ZC3H4: variants seen among roughly 807,000 people sequenced by gnomAD.
ZC3H4 encodes the protein zinc finger CCCH domain-containing protein 4.
Under a neutral mutation model 108.3 loss-of-function variants are expected in ZC3H4, and 13 were observed. The ratio of observed to expected loss-of-function variants is 0.12; its 90% confidence interval spans 0.08 to 0.19. The LOEUF (loss-of-function observed/expected upper bound fraction) is 0.19, where lower values mean the gene tolerates loss of function less well. Ranked by LOEUF, ZC3H4 falls within the 10% of genes least tolerant of loss-of-function variation. The pLI, the probability that ZC3H4 is intolerant of heterozygous loss-of-function variation, is 1.00. For synonymous variants in ZC3H4, 917 were observed against 749.6 expected, an observed-to-expected ratio of 1.22 and a Z score of -3.65; for missense variants, 1,734 against 1,838.8, an observed-to-expected ratio of 0.94 and a Z score of 1.04.
At chr19:47,099,250 G>A (rs1223099594) in intron 2 of ZC3H4, among the ~76,000 whole-genome samples, 4 of 152,012 alleles carry the variant, frequency 2.6e-5, no homozygotes, top group African/African-American at 7.2e-5. Context: ...ACCTGAGGTC[G>A]GGAGTTCAAG....
Position 47,082,165 on chromosome 19 carries a change from T to C in ZC3H4, c.1330+19A>G, listed in dbSNP as rs1475053523. On this transcript the variant is annotated intron_variant, in intron 10 of 14. Transcript: ENST00000253048. ...GTTCTGCGCCCTCATTCAGACCAGATGCTGGCACTAAAGGATATCGTGCAT... is the reference window on the plus strand; with the variant it reads ...GTTCTGCGCCCTCATTCAGACCAGACGCTGGCACTAAAGGATATCGTGCAT... 1 of 1,601,990 alleles carries C rather than the reference T, an allele frequency of 6.2e-7. No homozygotes were observed. The highest frequency in any genetic ancestry group is 8.6e-7 in the Non-Finnish European group (1 of 1,168,904).
intron 2 of ZC3H4, among the ~76,000 whole-genome samples, chr19:47,097,594 C>A (rs952325364): frequency 2.6e-5 from 4 of 152,130 alleles, no homozygotes; most frequent in Admixed American, 2.6e-4. Flanking sequence ...AATGGGAATC[C>A]CGTGGGCCAC....
At chr19:47,089,064 G>A (rs567198959) in intron 5 of ZC3H4, among the ~76,000 whole-genome samples, 1 of 151,892 alleles carries the variant, frequency 6.6e-6, no homozygotes, top group African/African-American at 2.4e-5. Context: ...AAACTAGCTG[G>A]GTGTAGTGGC....
Position 47,072,183 on chromosome 19 carries a change from G to C in ZC3H4, c.1803-62C>G, listed in dbSNP as rs751299431. 1 of 1,451,022 alleles carries C rather than the reference G, an allele frequency of 6.9e-7. No homozygotes were observed. The highest frequency in any genetic ancestry group is 1.4e-5 in the African/African-American group (1 of 69,906). 89.9% of individuals were successfully genotyped at this position (1,451,022 alleles called of 1,614,324 possible). A position where few individuals can be genotyped will look rare whatever the true frequency, so the allele number is the denominator to read the frequency against. The stretch of plus-strand genomic sequence containing the variant: ...CGAGGAGGGCAGTGGCCACACCCCA[G>C]AGGAGAGGCGGAGGGCTGCAGAGCC... On this transcript the variant is annotated intron_variant, in intron 12 of 14. Coordinates refer to ENST00000253048, the MANE Select transcript of ZC3H4 (RefSeq NM_015168.2). The surrounding 1 kb of genome is among the most constrained non-coding windows in gnomAD (Gnocchi z 5.6).
At chr19:47,079,994 C>T (rs1026974334) in intron 11 of ZC3H4, among the ~76,000 whole-genome samples, 1 of 152,186 alleles carries the variant, frequency 6.6e-6, no homozygotes, top group African/African-American at 2.4e-5. Flanking sequence ...CCTACGTCTG[C>T]TTGCATGGGG....
At chr19:47,082,039 G>A (rs2057534069) in intron 10 of ZC3H4, 145 bp downstream of exon 10, 7 of 720,740 alleles carry the variant, frequency 9.7e-6, no homozygotes, top group Non-Finnish European at 1.7e-5. Flanking sequence ...GGGCGGACGT[G>A]AGTGTTAAAT....
chr19:47,107,414 G>C (rs546638777), intron 2 of ZC3H4, among the ~76,000 whole-genome samples: 9 of 152,086 alleles, frequency 5.9e-5, no homozygotes, highest in Non-Finnish European at 1.3e-4. Context: ...GCACACTGCC[G>C]GGGAGAAGCC....
rs150651450 is a variant in ZC3H4, at chr19:47,083,022, C to T, written c.1219-727G>A. ...CAGAAGCTGATCTGTCCCCCTTTTA[C>T]GAATGCCTATTCATTTGTCTTAATT... On this transcript the variant is annotated intron_variant, in intron 9 of 14. Coordinates refer to ENST00000253048, the MANE Select transcript of ZC3H4 (RefSeq NM_015168.2). Among the ~76,000 whole-genome samples, 903 of 152,252 alleles carry T rather than the reference C, an allele frequency of 5.9e-3. 3 individuals are homozygous for T. Among genetic ancestry groups the T allele is most frequent in the Non-Finnish European group, 9.3e-3 (630 of 68,010 alleles).
chr19:47,080,952 T>C (rs1336702205), intron 11 of ZC3H4, among the ~76,000 whole-genome samples: 4 of 152,166 alleles, frequency 2.6e-5, no homozygotes, highest in African/African-American at 9.7e-5. Flanking sequence ...GTATTTTTTT[T>C]TTAAGAGACG....
intron 2 of ZC3H4, among the ~76,000 whole-genome samples, chr19:47,099,955 G>T (rs956839477): frequency 1.2e-4 from 18 of 151,820 alleles, no homozygotes; most frequent in African/African-American, 4.4e-4. Flanking sequence ...TCAGGGTTAT[G>T]ATCATTAACT....
At chr19:47,079,592 T>A (rs968191184) in intron 11 of ZC3H4, among the ~76,000 whole-genome samples, 1 of 152,038 alleles carries the variant, frequency 6.6e-6, no homozygotes. Context: ...CCTAGGTATG[T>A]ACTGATTACA....
Position 47,104,470 on chromosome 19 carries a change from G to GT in ZC3H4, c.161+7953dup, listed in dbSNP as rs79257075. 2.0e-3 allele frequency among the ~76,000 whole-genome samples: 297 copies of GT among 152,290 alleles called. 9 individuals carry two copies. In the East Asian group the frequency reaches 0.052, roughly 27 times the overall value. ...CAGCACAGGGCCAGGTACAGATTGG[G>GT]TACATGCTCAGTGCATATTCTATAT... On this transcript the variant is annotated intron_variant, in intron 2 of 14. Coordinates refer to ENST00000253048, the MANE Select transcript of ZC3H4 (RefSeq NM_015168.2).
chr19:47,086,430 C>T lies in ZC3H4; in HGVS notation c.824G>A (p.Gly275Glu). The change falls in exon 6 of 15, where the codon GGA (glycine) becomes GAA (glutamate). Residue 275 changes from glycine (G) to glutamate (E), a missense_variant. By Grantham distance (98) the Gly-to-Glu change is moderately conservative. Transcript: ENST00000253048. ...SRGRGRGSMGGDHPEDEEDFY... is the reference protein window; with the variant it reads ...SRGRGRGSMGEDHPEDEEDFY... ...ATCCTCTTCATCCTCCGGGTGGTCT[C>T]CTCCCATAGAGCCTCTGCCCCTGCC... The T allele has an allele frequency of 6.2e-7, 1 of 1,613,438 alleles. No individual in the cohort carries two copies. The highest frequency in any genetic ancestry group is 8.5e-7 in the Non-Finnish European group (1 of 1,179,872).
chr19:47,067,624 G>A lies in ZC3H4; in HGVS notation c.2644C>T (p.Pro882Ser), dbSNP rs751591118. The A allele has an allele frequency of 1.2e-6, 2 of 1,604,852 alleles. No homozygotes were observed. Among genetic ancestry groups the A allele is most frequent in the African/African-American group, 1.3e-5 (1 of 75,018 alleles). Residue 882 changes from proline to serine, a missense_variant, in exon 15 of 15, where the codon CCA becomes TCA. Coordinates refer to ENST00000253048, the MANE Select transcript of ZC3H4 (RefSeq NM_015168.2). This position sits in a 1 kb window ranked among gnomAD's most constrained non-coding sequence, Gnocchi z 6.4. ...RHVEASGGSG[P>S]GDSGPSDPRL... is the part of the protein sequence containing the mutation. ...GGATCGGAGGGTCCCGAATCACCTG[G>A]GCCAGACCCGCCAGAAGCCTCCACA...
chr19:47,097,995 G>A (rs1371900854), intron 2 of ZC3H4, among the ~76,000 whole-genome samples: 1 of 152,186 alleles, frequency 6.6e-6, no homozygotes, highest in East Asian at 1.9e-4. Context: ...ATGGGAAGAG[G>A]CCAACGCCTT....
chr19:47,094,344 G>A (rs1600088422), intron 3 of ZC3H4, 45 bp downstream of exon 3: 1 of 1,605,110 alleles, frequency 6.2e-7, no homozygotes, highest in East Asian at 2.2e-5. Context: ...CTCTCAGCCA[G>A]GCCCAATGCC....
Position 47,066,042 on chromosome 19 carries a change from G to A in ZC3H4, c.*314C>T, listed in dbSNP as rs955447202. 3.3e-5 allele frequency: 8 copies of A among 244,978 alleles called. No individual in the cohort carries two copies. Among genetic ancestry groups the A allele is most frequent in the African/African-American group, 6.7e-5 (3 of 44,768 alleles). 15.2% of individuals were successfully genotyped at this position (244,978 alleles called of 1,614,324 possible). ...ACCCACTGGGCCTCCAGCAAGGCCCGGCCACGCAGAGCCCACAGAGTCTGA... is the reference window on the plus strand; with the variant it reads ...ACCCACTGGGCCTCCAGCAAGGCCCAGCCACGCAGAGCCCACAGAGTCTGA... On this transcript the variant is annotated 3_prime_UTR_variant, in exon 15 of 15. Coordinates refer to ENST00000253048, the MANE Select transcript of ZC3H4 (RefSeq NM_015168.2).
intron 11 of ZC3H4, among the ~76,000 whole-genome samples, chr19:47,079,971 G>A (rs1049382880): frequency 6.6e-6 from 1 of 152,170 alleles, no homozygotes; most frequent in Non-Finnish European, 1.5e-5. Flanking sequence ...TGCCAACGAG[G>A]AATGGACATT....
rs1258669996 is a variant in ZC3H4 at position 47,094,075 on chromosome 19, A to C, written c.387T>G (p.His129Gln). The C allele has an allele frequency of 1.2e-6, 2 of 1,614,100 alleles. No individual in the cohort carries two copies. Among genetic ancestry groups the C allele is most frequent in the Non-Finnish European group, 1.7e-6 (2 of 1,179,946 alleles). The change falls in exon 4 of 15, where the codon CAT becomes CAG. Residue 129 changes from histidine (H) to glutamine (Q), a missense_variant. By Grantham distance (24) the His-to-Gln change is conservative. Transcript: ENST00000253048. ...KKRRKSKHKR[H>Q]ASSSDDFSDF... The stretch of plus-strand genomic sequence containing the variant: ...CAGAGAAGTCATCGCTAGAAGAAGC[A>C]TGGCGCTGTAATGACAGGGGAAGGA...
Sources: allele counts gnomAD v4.1 joint callset (sites outside exome capture counted in the v4.1 genomes callset), GRCh38; gene constraint gnomAD v4.1.1; non-coding constraint Gnocchi (gnomAD v3.1); transcripts MANE v1.5; gene names NCBI Gene and HGNC (gene_info 2026-07-23, HGNC 2026-07-21).